Variants in CDH18 observed in about 807,000 individuals in gnomAD.
CDH18 encodes cadherin 18.
CDH18 carries 31 observed loss-of-function variants against 67.9 expected under a neutral mutation model. The observed-to-expected ratio is 0.46, with a 90% confidence interval of 0.34 to 0.62. The LOEUF (loss-of-function observed/expected upper bound fraction) is 0.62. Among genes scored for constraint, CDH18 ranks in the 20% least tolerant of loss-of-function variants. The probability of loss-of-function intolerance (pLI) is 0.01; values close to 1 mark genes in which losing one functional copy is unlikely to be tolerated. For missense variants in CDH18, 890 were observed against 975.5 expected (o/e 0.91, Z 1.17); for synonymous variants, 362 against 347.2 (o/e 1.04, Z -0.48).
At chr5:20,375,946 A>G (rs577006557) in intron 1 of CDH18, among the ~76,000 whole-genome samples, 65 of 152,104 alleles carry the variant, frequency 4.3e-4, no homozygotes, top group Non-Finnish European at 9.1e-4. Flanking sequence ...ATTTGACATT[A>G]ATTTATTCAA....
chr5:20,114,347 G>A (rs969643664), intron 2 of CDH18, among the ~76,000 whole-genome samples: 3 of 151,986 alleles, frequency 2.0e-5, no homozygotes, highest in Non-Finnish European at 4.4e-5. Context: ...AGTGAACATA[G>A]ACTAAGACAA....
At chr5:20,250,720 C>G (rs927091764) in intron 2 of CDH18, among the ~76,000 whole-genome samples, 2 of 147,814 alleles carry the variant, frequency 1.4e-5, no homozygotes, top group African/African-American at 2.5e-5. Context: ...GCTATTTTAC[C>G]TCAACCTCCT....
At chr5:19,774,808 C>CAAAAAAAAAAAAAAAAAAAAAAAAAAAA (rs59248561) in intron 3 of CDH18, among the ~76,000 whole-genome samples, 1 of 35,414 alleles carries the variant, frequency 2.8e-5, no homozygotes, top group Non-Finnish European at 5.2e-5. Flanking sequence ...GACTCTGTCT[C>CAAAAAAAAAAAAAAAAAAAAAAAAAAAA]AAAAAAAAAA....
At chr5:20,025,986 G>C (rs1738860421) in intron 2 of CDH18, among the ~76,000 whole-genome samples, 1 of 152,078 alleles carries the variant, frequency 6.6e-6, no homozygotes, top group Non-Finnish European at 1.5e-5. Flanking sequence ...CTTCAGTTTT[G>C]AATCATTCCC....
At position 19,567,658 on chromosome 5, in the gene CDH18, T is replaced by C. The variant is rs183704943; in HGVS notation, c.1253+3921A>G. On this transcript the variant is annotated intron_variant, in intron 8 of 12. Transcript: ENST00000382275. ...TTTTATTAAAATCAAGAATAAATAT[T>C]ATGTAAATTATGTCCCCAAACAGCA... Among the ~76,000 whole-genome samples, 45 of 152,308 alleles carry C rather than the reference T, an allele frequency of 3.0e-4. No homozygotes were observed. The East Asian group carries it at 8.7e-3, about 29-fold the overall frequency.
chr5:19,666,368 A>G (rs558062601), intron 5 of CDH18, among the ~76,000 whole-genome samples: 3 of 151,124 alleles, frequency 2.0e-5, no homozygotes, highest in Non-Finnish European at 1.5e-5. Context: ...TTGGCCTTCC[A>G]TAGTTTTGGG....
At chr5:20,132,525 G>A (rs998494165) in intron 2 of CDH18, among the ~76,000 whole-genome samples, 6 of 151,560 alleles carry the variant, frequency 4.0e-5, no homozygotes, top group Non-Finnish European at 7.4e-5. Flanking sequence ...CCCATTTCCT[G>A]GTCCTGGATT....
chr5:19,832,000 A>G (rs1192127480), intron 3 of CDH18, among the ~76,000 whole-genome samples: 1 of 152,146 alleles, frequency 6.6e-6, no homozygotes, highest in Non-Finnish European at 1.5e-5. Flanking sequence ...GTGAGCTAAC[A>G]CAGAAACAGA....
intron 5 of CDH18, among the ~76,000 whole-genome samples, chr5:19,620,276 G>A (rs932866911): frequency 1.3e-5 from 2 of 152,156 alleles, no homozygotes; most frequent in Non-Finnish European, 2.9e-5. Context: ...ATTCCTTAAG[G>A]GAATTCCTTT....
At chr5:20,545,451 C>A (rs1240993389) in intron 1 of CDH18, among the ~76,000 whole-genome samples, 5 of 152,208 alleles carry the variant, frequency 3.3e-5, no homozygotes, top group African/African-American at 1.2e-4. Flanking sequence ...GACACCCAGG[C>A]ATTTCCTCAC....
Position 19,526,494 on chromosome 5 carries a change from G to A in CDH18, c.1391-5716C>T, listed in dbSNP as rs118084400. 3.7e-4 allele frequency among the ~76,000 whole-genome samples: 56 copies of A among 152,180 alleles called. 1 individual carries two copies. The highest frequency in any genetic ancestry group is 6.5e-4 in the Admixed American group (10 of 15,282). ...TACTTTTGGAAAGACTGATATGTGC[G>A]TAACACTATGATGGGCTCTGGAGAA... is the stretch of plus-strand genomic sequence containing the variant. On this transcript the variant is annotated intron_variant, in intron 9 of 12. Transcript: ENST00000382275.
intron 2 of CDH18, among the ~76,000 whole-genome samples, chr5:19,921,927 A>G (rs557517254): frequency 6.6e-6 from 1 of 152,114 alleles, no homozygotes; most frequent in Non-Finnish European, 1.5e-5. Flanking sequence ...TTTTTTAAGT[A>G]TAAAGGATTC....
chr5:19,604,139 G>C (rs1354054415), intron 6 of CDH18, among the ~76,000 whole-genome samples: 2 of 151,950 alleles, frequency 1.3e-5, no homozygotes, highest in Non-Finnish European at 1.5e-5. Flanking sequence ...TCTCACTGAG[G>C]CTTGTCCCTT....
chr5:20,442,479 G>C (rs1226289717), intron 1 of CDH18, among the ~76,000 whole-genome samples: 1 of 151,854 alleles, frequency 6.6e-6, no homozygotes, highest in African/African-American at 2.4e-5. Context: ...GTGAGTATGA[G>C]TTACTTTTGT....
intron 2 of CDH18, among the ~76,000 whole-genome samples, chr5:20,124,188 G>A (rs1234390543): frequency 4.6e-5 from 7 of 152,114 alleles, no homozygotes; most frequent in Non-Finnish European, 1.0e-4. Flanking sequence ...TCACGAAAAA[G>A]AAGAAACATT....
chr5:20,137,525 G>T (rs7726825), intron 2 of CDH18, among the ~76,000 whole-genome samples: 4,757 of 152,050 alleles, frequency 0.031, 251 homozygotes, highest in African/African-American at 0.11. Context: ...TAATGGGTTC[G>T]AAAATCCTCC....
intron 2 of CDH18, among the ~76,000 whole-genome samples, chr5:20,033,655 A>C (rs2150456988): frequency 6.6e-6 from 1 of 152,170 alleles, no homozygotes; most frequent in Non-Finnish European, 1.5e-5. Flanking sequence ...ACTATTTTAA[A>C]AATATATCTG....
chr5:20,463,485 T>A (rs1414599920), intron 1 of CDH18, among the ~76,000 whole-genome samples: 5 of 152,106 alleles, frequency 3.3e-5, no homozygotes, highest in African/African-American at 1.2e-4. Flanking sequence ...AAACGTACAA[T>A]CATGGCAGAG....
At chr5:20,255,586 A>G (rs1232325024) in intron 1 of CDH18, 2 of 152,120 alleles carry the variant, frequency 1.3e-5, no homozygotes, top group African/African-American at 2.4e-5. Context: ...TTATTATGTC[A>G]TACATTAAAC....
Sources: allele counts gnomAD v4.1 joint callset (sites outside exome capture counted in the v4.1 genomes callset), GRCh38; gene constraint gnomAD v4.1.1; transcripts MANE v1.5; gene names NCBI Gene and HGNC (gene_info 2026-07-23, HGNC 2026-07-21).